ECE1: variants seen among roughly 807,000 people sequenced by gnomAD.
ECE1 encodes endothelin converting enzyme 1, also known as endothelin-converting enzyme 1.
ECE1 carries 35 observed loss-of-function variants against 98.6 expected under a neutral mutation model. The observed-to-expected ratio is 0.35, with a 90% CI of 0.27 to 0.47. The LOEUF (loss-of-function observed/expected upper bound fraction) is 0.47, where lower values mean the gene tolerates loss of function less well. Among genes scored for constraint, ECE1 ranks in the 20% least tolerant of loss-of-function variants. The pLI is 1.00. For synonymous variants in ECE1, 394 were observed against 407.1 expected, an observed-to-expected ratio of 0.97 and a Z score of 0.39; for missense variants, 814 against 1,025.3, an observed-to-expected ratio of 0.79 and a Z score of 2.81.
chr1:21,256,288 G>A (rs992961259), intron 7 of ECE1, 150 bp from the exon 8 acceptor site: 5 of 889,190 alleles, frequency 5.6e-6, no homozygotes, highest in Non-Finnish European at 6.6e-6. Context: ...AGGTGTGGTG[G>A]CTCACGCCTG....
At chr1:21,279,411 C>T in intron 2 of ECE1, 79 bp from the exon 3 acceptor site, 1 of 1,608,564 alleles carries the variant, frequency 6.2e-7, no homozygotes, top group South Asian at 1.1e-5. Context: ...GGTTCCGCTG[C>T]AGGCCCAGGC....
At chr1:21,294,644 G>A (rs1638302881), upstream of ECE1, among the ~76,000 whole-genome samples, 1 of 152,228 alleles carries the variant, frequency 6.6e-6, no homozygotes, top group Non-Finnish European at 1.5e-5. The surrounding 1 kb of genome is among the most constrained non-coding windows in gnomAD (Gnocchi z 4.2). Flanking sequence ...AACACGCACA[G>A]GTTTCTGGCG....
intron 8 of ECE1, among the ~76,000 whole-genome samples, chr1:21,252,598 C>G (rs1254419734): frequency 2.6e-5 from 4 of 152,192 alleles, no homozygotes; most frequent in Non-Finnish European, 5.9e-5. Flanking sequence ...GTCCTCAGGC[C>G]CCCAGAAGTA....
chr1:21,269,658 C>T (rs932457201), intron 4 of ECE1, among the ~76,000 whole-genome samples: 1 of 152,196 alleles, frequency 6.6e-6, no homozygotes, highest in Non-Finnish European at 1.5e-5. Context: ...GCTAGTATTC[C>T]GATGTATTCC....
intron 3 of ECE1, among the ~76,000 whole-genome samples, chr1:21,276,189 C>A (rs1298536384): frequency 6.6e-6 from 1 of 151,994 alleles, no homozygotes; most frequent in Non-Finnish European, 1.5e-5. Flanking sequence ...CCACGCCTGG[C>A]TAATTTTTGT....
chr1:21,314,227 T>C (rs1198865521), intron 1 of ECE1, among the ~76,000 whole-genome samples: 1 of 152,218 alleles, frequency 6.6e-6, no homozygotes, highest in African/African-American at 2.4e-5. Flanking sequence ...TTCTACCCGA[T>C]ACTCAGGCAT....
intron 1 of ECE1, among the ~76,000 whole-genome samples, chr1:21,323,416 C>A (rs35204330): frequency 6.6e-6 from 1 of 152,102 alleles, no homozygotes; most frequent in Non-Finnish European, 1.5e-5. Context: ...GTGCCTACTA[C>A]GTGTTAGCAC....
intron 8 of ECE1, among the ~76,000 whole-genome samples, chr1:21,253,992 C>T (rs952160115): frequency 2.0e-5 from 3 of 147,960 alleles, no homozygotes; most frequent in Non-Finnish European, 4.4e-5. Context: ...TCGCTTGAAC[C>T]TGGGAGGCAG....
At chr1:21,330,638 C>T (rs946487181) in intron 1 of ECE1, among the ~76,000 whole-genome samples, 3 of 152,182 alleles carry the variant, frequency 2.0e-5, no homozygotes, top group African/African-American at 4.8e-5. Context: ...GCACAGGAAA[C>T]GTACTCAGCA....
chr1:21,323,911 G>A (rs1639017824), intron 1 of ECE1, among the ~76,000 whole-genome samples: 2 of 150,378 alleles, frequency 1.3e-5, no homozygotes, highest in Admixed American at 6.7e-5. Flanking sequence ...TCCACCACCC[G>A]GGTTTCAAGC....
In ECE1 at chr1:21,225,437, C is replaced by G. The variant is rs760171613; in HGVS notation, c.1853G>C (p.Arg618Pro). Residue 618 changes from arginine to proline, a missense_variant, in exon 17 of 19, where the codon CGG becomes CCG. Physicochemically the swap from Arg to Pro is moderately radical, Grantham distance 103. Coordinates refer to ENST00000374893, the MANE Select transcript of ECE1 (RefSeq NM_001397.3). This position sits in a 1 kb window ranked among gnomAD's most constrained non-coding sequence, Gnocchi z 5.3. ...GAGGTTCCCGTCCTTGTCATACTCC[C>G]GTCCTGTGGGTCAGAGGGAGGCGTC... ...ELTHAFDDQG[R>P]EYDKDGNLRP... 1 of 1,613,948 alleles carries G rather than the reference C, an allele frequency of 6.2e-7. No homozygotes were observed. The highest frequency in any genetic ancestry group is 8.5e-7 in the Non-Finnish European group (1 of 1,179,950).
chr1:21,324,790 G>A (rs911116337), intron 1 of ECE1, among the ~76,000 whole-genome samples: 9 of 152,204 alleles, frequency 5.9e-5, no homozygotes, highest in Non-Finnish European at 1.2e-4. Flanking sequence ...AGCTAGTGGA[G>A]TGTGCCAGCC....
At chr1:21,331,829 CTAT>C (rs1639206104) in intron 1 of ECE1, among the ~76,000 whole-genome samples, 1 of 152,104 alleles carries the variant, frequency 6.6e-6, no homozygotes, top group African/African-American at 2.4e-5. Flanking sequence ...TCAAGAAACG[CTAT>C]TATTATTACT....
In ECE1 at chr1:21,231,912, C is replaced by T. The variant is rs528370727; in HGVS notation, c.1670+1646G>A. ...TACAGGCGTGGGCCGCTGTACCTGG[C>T]CATATGGAGGAATTTAAAACATCAT... On this transcript the variant is annotated intron_variant, in intron 14 of 18. Coordinates refer to ENST00000374893, the MANE Select transcript of ECE1 (RefSeq NM_001397.3). 5.9e-5 allele frequency among the ~76,000 whole-genome samples: 9 copies of T among 152,316 alleles called. No homozygotes were observed. The South Asian group carries it at 1.9e-3, about 32-fold the overall frequency.
intron 3 of ECE1, among the ~76,000 whole-genome samples, chr1:21,274,715 ATGGG>A (rs2098244451): frequency 6.6e-6 from 1 of 152,210 alleles, no homozygotes; most frequent in South Asian, 2.1e-4. Context: ...AGTCCTTCAG[ATGGG>A]TGGCTGACAA....
intron 1 of ECE1, among the ~76,000 whole-genome samples, chr1:21,309,885 G>A (rs561593239): frequency 3.4e-5 from 5 of 149,014 alleles, no homozygotes; most frequent in Admixed American, 1.4e-4. Flanking sequence ...TCCGCCTCCC[G>A]GGTTCACGCC....
In ECE1 at chr1:21,225,228, G is replaced by A. The variant is rs28368039; in HGVS notation, c.2040+22C>T. 1.5e-3 allele frequency: 2,397 copies of A among 1,613,456 alleles called. 6 individuals are homozygous for A. Among genetic ancestry groups the A allele is most frequent in the Non-Finnish European group, 1.8e-3 (2,170 of 1,179,896 alleles). On this transcript the variant is annotated intron_variant, in intron 17 of 18. Coordinates refer to ENST00000374893, the MANE Select transcript of ECE1 (RefSeq NM_001397.3). This position sits in a 1 kb window ranked among gnomAD's most constrained non-coding sequence, Gnocchi z 5.3. ...AGGAGCCAGCACTGGGACCGTGCGC[G>A]TGTGGGGAGCGGGGCTCTCACCCGA...
Position 21,260,539 on chromosome 1 carries a change from T to A in ECE1, c.494-147A>T. 1 of 1,089,706 alleles carries A rather than the reference T, an allele frequency of 9.2e-7. No individual in the cohort carries two copies. The highest frequency in any genetic ancestry group is 1.4e-6 in the Non-Finnish European group (1 of 723,950). The allele number at this position is 1,089,706 out of a possible 1,614,324, so 67.5% of individuals were successfully genotyped here. The stretch of plus-strand genomic sequence containing the variant: ...GTCGGAGTGGCAGTGAGGAATGCCG[T>A]CACCGTGAGTATGTGAGGGCCCCTG... On this transcript the variant is annotated intron_variant, in intron 4 of 18. Coordinates refer to ENST00000374893, the MANE Select transcript of ECE1 (RefSeq NM_001397.3). The surrounding 1 kb of genome is among the most constrained non-coding windows in gnomAD (Gnocchi z 4.3).
chr1:21,315,881 G>T (rs754584366), intron 1 of ECE1, among the ~76,000 whole-genome samples: 1 of 151,954 alleles, frequency 6.6e-6, no homozygotes. Context: ...GTCTACACAG[G>T]CAGCGTCAGG....
Sources: gnomAD v4.1 joint callset for allele counts (sites outside exome capture counted in the v4.1 genomes callset) on GRCh38, gnomAD v4.1.1 for gene constraint, Gnocchi (gnomAD v3.1) non-coding constraint, MANE v1.5 for transcripts, NCBI Gene and HGNC (gene_info 2026-07-23, HGNC 2026-07-21) for gene names.